Variants in CEP63 observed in about 807,000 individuals in gnomAD.
CEP63 encodes the protein centrosomal protein of 63 kDa.
Under a neutral mutation model 89.1 loss-of-function variants are expected in CEP63, and 84 were observed. The ratio of observed to expected loss-of-function variants is 0.94; its 90% CI spans 0.79 to 1.13. The LOEUF (loss-of-function observed/expected upper bound fraction) is 1.13. Among genes scored for constraint, CEP63 ranks in the 50% most tolerant of loss-of-function variants. The pLI is 0.00. For synonymous variants in CEP63, 267 were observed against 272.5 expected (o/e 0.98, Z 0.20); for missense variants, 838 against 813.3 (o/e 1.03, Z -0.37).
Position 134,564,178 on chromosome 3 carries a change from A to G in CEP63, c.*2643A>G. ...GGCAAGGACTTTGCTTCTCTGGTTC[A>G]TGGTGGGATCCTCATCACCCAGCAC... On this transcript the variant is annotated 3_prime_UTR_variant, in exon 15 of 15. Transcript: ENST00000675561. 6.0e-6 allele frequency: 5 copies of G among 834,658 alleles called. No individual in the cohort carries two copies. Among genetic ancestry groups the G allele is most frequent in the African/African-American group, 1.8e-5 (1 of 54,376 alleles). The allele number at this position is 834,658 out of a possible 1,614,324, so 51.7% of individuals were successfully genotyped here.
chr3:134,606,481 C>T, the CEP63 span, among the ~76,000 whole-genome samples: 1 of 152,186 alleles, frequency 6.6e-6, no homozygotes, highest in Non-Finnish European at 1.5e-5. Context: ...TGGTAATGTC[C>T]CCGTGGCAAA....
At chr3:134,609,050 C>G in the CEP63 span, among the ~76,000 whole-genome samples, 1 of 152,186 alleles carries the variant, frequency 6.6e-6, no homozygotes, top group Non-Finnish European at 1.5e-5. Flanking sequence ...AAGGCCACAG[C>G]CTGCAACTGT....
At chr3:134,608,696 T>C in the CEP63 span, 3 of 1,614,048 alleles carry the variant, frequency 1.9e-6, no homozygotes, top group Non-Finnish European at 1.7e-6. Flanking sequence ...CATCCCTTTG[T>C]TGTAGAATTC....
the CEP63 span, among the ~76,000 whole-genome samples, chr3:134,612,142 G>A: frequency 3.9e-5 from 6 of 152,246 alleles, no homozygotes; most frequent in Non-Finnish European, 5.9e-5. Flanking sequence ...TCTAGCCCCC[G>A]CCCTTTTGCC....
At chr3:134,511,358 A>G (rs1944882910) in intron 3 of CEP63, 1 of 155,214 alleles carries the variant, frequency 6.4e-6, no homozygotes, top group Non-Finnish European at 1.4e-5. Flanking sequence ...GTGGATTTCC[A>G]CTCTTTGCCT....
At chr3:134,618,853 C>T in the CEP63 span, among the ~76,000 whole-genome samples, 1 of 152,216 alleles carries the variant, frequency 6.6e-6, no homozygotes, top group Non-Finnish European at 1.5e-5. Context: ...ATTCTTTTAA[C>T]CTTCAGCTGC....
At chr3:134,577,843 A>G (rs1240659688), downstream of CEP63, among the ~76,000 whole-genome samples, 1 of 151,008 alleles carries the variant, frequency 6.6e-6, no homozygotes, top group Admixed American at 6.6e-5. Flanking sequence ...TCATTGTTCA[A>G]CTCCCACATA....
At chr3:134,584,760 C>T (rs1560080934) in intron 10 of CEP63, among the ~76,000 whole-genome samples, 1 of 152,054 alleles carries the variant, frequency 6.6e-6, no homozygotes, top group Non-Finnish European at 1.5e-5. Context: ...ATGGTACCAG[C>T]TCCTCTTTGT....
chr3:134,509,258 C>T (rs1436393026), intron 3 of CEP63, among the ~76,000 whole-genome samples: 3 of 152,140 alleles, frequency 2.0e-5, no homozygotes, highest in African/African-American at 4.8e-5. Context: ...CCTATCTTCA[C>T]GTGGTGGAGC....
chr3:134,579,903 C>G (rs1010262964), downstream of CEP63, among the ~76,000 whole-genome samples: 1 of 152,064 alleles, frequency 6.6e-6, no homozygotes, highest in Admixed American at 6.5e-5. Context: ...GGATGAAACA[C>G]TAAAACACAC....
At chr3:134,747,174 T>C in the CEP63 span, among the ~76,000 whole-genome samples, 1 of 152,232 alleles carries the variant, frequency 6.6e-6, no homozygotes, top group Non-Finnish European at 1.5e-5. Context: ...AGTTATTAAA[T>C]ATAGACTCCT....
At chr3:134,524,934 T>C (rs1165781121) in intron 3 of CEP63, among the ~76,000 whole-genome samples, 1 of 152,232 alleles carries the variant, frequency 6.6e-6, no homozygotes, top group Admixed American at 6.5e-5. Flanking sequence ...CTCAATTTTT[T>C]GGAATAGTTT....
At chr3:134,762,609 A>G in the CEP63 span, among the ~76,000 whole-genome samples, 5 of 152,140 alleles carry the variant, frequency 3.3e-5, no homozygotes, top group African/African-American at 1.2e-4. Context: ...ACACAGAGGG[A>G]AGACTACACA....
intron 10 of CEP63, among the ~76,000 whole-genome samples, chr3:134,585,274 G>A (rs867721646): frequency 3.9e-5 from 6 of 151,942 alleles, no homozygotes; most frequent in Non-Finnish European, 8.8e-5. Context: ...TTTTAATTGT[G>A]ATGTTAGGGT....
chr3:134,741,420 C>T, the CEP63 span, among the ~76,000 whole-genome samples: 4 of 152,300 alleles, frequency 2.6e-5, no homozygotes, highest in South Asian at 8.3e-4. Context: ...ATCTCCTTTA[C>T]TTGGTCGTGT....
At chr3:134,614,490 G>T in the CEP63 span, among the ~76,000 whole-genome samples, 3 of 151,922 alleles carry the variant, frequency 2.0e-5, no homozygotes, top group African/African-American at 4.8e-5. Context: ...CAATATCAGG[G>T]CTCAGGGACC....
chr3:134,717,322 C>T, the CEP63 span, among the ~76,000 whole-genome samples: 54 of 152,310 alleles, frequency 3.5e-4, no homozygotes, highest in African/African-American at 1.3e-3. Context: ...ATTTCTGCAT[C>T]AAACTCCTCA....
the CEP63 span, among the ~76,000 whole-genome samples, chr3:134,652,918 G>C: frequency 1.1e-3 from 171 of 152,224 alleles, no homozygotes; most frequent in African/African-American, 4.0e-3. Context: ...TGGTGATGGT[G>C]GGGGGAGCTG....
At chr3:134,699,138 G>A in the CEP63 span, among the ~76,000 whole-genome samples, 3 of 152,204 alleles carry the variant, frequency 2.0e-5, no homozygotes, top group African/African-American at 7.2e-5. Context: ...GGAGAGTGTG[G>A]ACTGCCCTGG....
Sources: allele counts gnomAD v4.1 joint callset (sites outside exome capture counted in the v4.1 genomes callset), GRCh38; gene constraint gnomAD v4.1.1; transcripts MANE v1.5; gene names NCBI Gene and HGNC (gene_info 2026-07-23, HGNC 2026-07-21).